Variants in LRRC45 observed in about 807,000 individuals in gnomAD.
LRRC45 encodes leucine-rich repeat-containing protein 45.
Under a neutral mutation model 85.4 loss-of-function variants are expected in LRRC45, and 73 were observed. The ratio of observed to expected loss-of-function variants is 0.85; its 90% CI spans 0.71 to 1.04. LRRC45 has a LOEUF of 1.04. Ranked by LOEUF, LRRC45 falls within the 50% of genes least tolerant of loss-of-function variation. LRRC45 has a pLI of 0.00. For synonymous variants in LRRC45, 429 were observed against 386.0 expected, an observed-to-expected ratio of 1.11 and a Z score of -1.31; for missense variants, 937 against 883.3, an observed-to-expected ratio of 1.06 and a Z score of -0.77.
At chr17:82,025,633 G>A in intron 5 of LRRC45, 126 bp downstream of exon 5, 5 of 1,268,642 alleles carry the variant, frequency 3.9e-6, no homozygotes, top group Non-Finnish European at 4.2e-6. Flanking sequence ...GGGGAAGCAG[G>A]AAGGAGCGGA....
At chr17:82,028,210 A>AC (rs1386488958) in intron 9 of LRRC45, 24 bp from the exon 10 acceptor site, 6 of 1,563,428 alleles carry the variant, frequency 3.8e-6, no homozygotes, top group Non-Finnish European at 5.2e-6. Context: ...GACCCTCACT[A>AC]CCCATACCCC....
At chr17:82,024,836 GCC>G (rs2043353110) in intron 3 of LRRC45, 73 bp downstream of exon 3, 4 of 1,494,070 alleles carry the variant, frequency 2.7e-6, no homozygotes, top group Non-Finnish European at 3.6e-6. Flanking sequence ...TGCTTCTGCA[GCC>G]CAAGAGTTCC....
In LRRC45 at chr17:82,028,290, G is replaced by T. The variant is rs1181730301; in HGVS notation, c.1104G>T (p.Lys368Asn). ...GAGACTTGTCTGCTGCCAATGAAAA[G>T]AACCTGCTTCTGCAAAACCAGGTAG... ...LLRDLSAANE[K>N]NLLLQNQVDE... is the part of the protein sequence containing the mutation. Residue 368 changes from lysine (K) to asparagine (N), a missense_variant, in exon 10 of 17, where the codon AAG (lysine) becomes AAT (asparagine). Transcript: ENST00000306688. 8.8e-6 allele frequency: 14 copies of T among 1,588,782 alleles called. No homozygotes were observed. Among genetic ancestry groups the T allele is most frequent in the Admixed American group, 7.3e-5 (4 of 54,840 alleles).
rs2043393920 is a variant in LRRC45, at chr17:82,029,147, G to A, written c.1363G>A (p.Val455Met). ...EESEKAMQER[V>M]QRLEAARLSL... is the part of the protein sequence containing the mutation. The stretch of plus-strand genomic sequence containing the variant: ...GAGTGAGAAGGCCATGCAGGAGCGG[G>A]TGCAGAGGCTGGAGGCGGCGCGGCT... Residue 455 changes from valine (V) to methionine (M), a missense_variant, in exon 13 of 17, where the codon GTG becomes ATG. Transcript: ENST00000306688. 1 of 1,612,590 alleles carries A rather than the reference G, an allele frequency of 6.2e-7. No homozygotes were observed. The highest frequency in any genetic ancestry group is 8.5e-7 in the Non-Finnish European group (1 of 1,179,918).
In LRRC45 at chr17:82,028,141, C is replaced by A; in HGVS notation, c.1042C>A (p.Gln348Lys). The change falls in exon 9 of 17, where the codon CAG becomes AAG. Residue 348 changes from glutamine to lysine, a missense_variant. Coordinates refer to ENST00000306688, the MANE Select transcript of LRRC45 (RefSeq NM_144999.4). ...GCAGGCCAAGGAGCTCAAGCTGGAG[C>A]AGCAGGTGGGTGGGCAGGGCTTGAG... ...QRQAKELKLE[Q>K]QEAAERESKL... 6.4e-7 allele frequency: 1 copy of A among 1,566,256 alleles called. No individual in the cohort carries two copies. The highest frequency in any genetic ancestry group is 8.6e-7 in the Non-Finnish European group (1 of 1,156,212).
chr17:82,027,327 A>G (rs913844052), intron 6 of LRRC45, 59 bp from the exon 7 acceptor site: 3 of 1,586,474 alleles, frequency 1.9e-6, no homozygotes, highest in South Asian at 2.2e-5. Flanking sequence ...TCCCCCTGAG[A>G]AGGTCAGGTG....
rs754731387 is a variant in LRRC45 at position 82,028,615 on chromosome 17, C to T, written c.1240C>T (p.Arg414Cys). The T allele has an allele frequency of 1.1e-5, 18 of 1,612,722 alleles. No individual in the cohort carries two copies. The highest frequency in any genetic ancestry group is 5.3e-5 in the African/African-American group (4 of 74,936). ...CTCTGCCCACCCTGGGCTTCCAGAG[C>T]GCCTGGACATGGAGAAGAGAAGATG... ...LKMRAIQAEE[R>C]LDMEKRRCRQ... The change falls in exon 12 of 17, where the codon CGC (arginine) becomes TGC (cysteine). Residue 414 changes from arginine to cysteine, a missense_variant and splice_region_variant. Transcript: ENST00000306688.
At chr17:82,027,975 C>G (rs766732573) in intron 8 of LRRC45, 36 bp from the exon 9 acceptor site, 1 of 1,566,474 alleles carries the variant, frequency 6.4e-7, no homozygotes, top group Admixed American at 1.8e-5. Flanking sequence ...AGTGAAACTC[C>G]AACCGGGGCG....
rs554817614 is a variant in LRRC45 at position 82,027,825 on chromosome 17, G to A, written c.911+74G>A. 7.1e-6 allele frequency: 11 copies of A among 1,559,790 alleles called. No individual in the cohort carries two copies. In the South Asian group the frequency reaches 1.0e-4, roughly 15 times the overall value. On this transcript the variant is annotated intron_variant, in intron 8 of 16. Transcript: ENST00000306688. ...AGAGAAAGGTGGTGTGAACCTGTGT[G>A]CAAGTCCTGTTTGCAAAGCAGAGGT... is the stretch of plus-strand genomic sequence containing the variant.
Position 82,023,794 on chromosome 17 carries a change from G to A in LRRC45, c.151G>A (p.Gly51Ser). ...SLTVETCRAL[G>S]KLLPRETLCT... ...GACGGTGGAGACCTGCAGGGCCCTG[G>A]GCAAGCTGCTGCCGAGGGAGACGCT... Residue 51 changes from glycine (G) to serine (S), a missense_variant, in exon 1 of 17, where the codon GGC (glycine) becomes AGC (serine). Transcript: ENST00000306688. 3.8e-6 allele frequency: 6 copies of A among 1,568,650 alleles called. No homozygotes were observed. The highest frequency in any genetic ancestry group is 5.2e-6 in the Non-Finnish European group (6 of 1,159,420).
chr17:82,030,238 G>A lies in LRRC45; in HGVS notation c.1668G>A (p.Gln556=), dbSNP rs774638519. Residue 556 remains glutamine (Q), a splice_region_variant and synonymous_variant, in exon 15 of 17, where the codon CAG becomes CAA. Coordinates refer to ENST00000306688, the MANE Select transcript of LRRC45 (RefSeq NM_144999.4). ...GGCGGCGCCTGGAAGAGCTGCAGCA[G>A]GTAGGCGGGGCTCCGGTGGGGGGCC... ...GLRRRLEELQ[Q]ELSLKDQERV... is the part of the protein sequence containing the mutation. 2.6e-6 allele frequency: 4 copies of A among 1,534,448 alleles called. No homozygotes were observed. In the South Asian group the frequency reaches 4.8e-5, roughly 18 times the overall value.
chr17:82,029,629 G>A lies in LRRC45; in HGVS notation c.1488G>A (p.Leu496=). The change falls in exon 14 of 17, where the codon CTG becomes CTA. Residue 496 remains leucine (L), a synonymous_variant. Coordinates refer to ENST00000306688, the MANE Select transcript of LRRC45 (RefSeq NM_144999.4). The stretch of plus-strand genomic sequence containing the variant: ...TCAAGGCCAAGAGCCAGGCCCGCCT[G>A]GAGGAGGTGAGCCACACATGTCCGC... The part of the protein sequence containing the change: ...ELIKAKSQAR[L]EEQQRLAHLE... The A allele has an allele frequency of 6.4e-7, 1 of 1,569,160 alleles. No individual in the cohort carries two copies. Among genetic ancestry groups the A allele is most frequent in the Non-Finnish European group, 8.6e-7 (1 of 1,158,766 alleles).
chr17:82,028,134 G>A lies in LRRC45; in HGVS notation c.1035G>A (p.Lys345=). ...SLSQRQAKEL[K]LEQQEAAERE... ...CACAGAGGCAGGCCAAGGAGCTCAAGCTGGAGCAGCAGGTGGGTGGGCAGG... is the reference window on the plus strand; with the variant it reads ...CACAGAGGCAGGCCAAGGAGCTCAAACTGGAGCAGCAGGTGGGTGGGCAGG... Residue 345 remains lysine, a synonymous_variant, in exon 9 of 17, where the codon AAG becomes AAA. Coordinates refer to ENST00000306688, the MANE Select transcript of LRRC45 (RefSeq NM_144999.4). 1.3e-6 allele frequency: 2 copies of A among 1,567,994 alleles called. No homozygotes were observed. The highest frequency in any genetic ancestry group is 1.7e-6 in the Non-Finnish European group (2 of 1,157,206).
At position 82,024,334 on chromosome 17, in the gene LRRC45, T is replaced by G. The variant is rs755233152; in HGVS notation, c.277T>G (p.Leu93Val). Residue 93 changes from leucine to valine, a missense_variant, in exon 2 of 17, where the codon TTA becomes GTA. Physicochemically the swap from Leu to Val is conservative, Grantham distance 32 (BLOSUM62 1). Transcript: ENST00000306688. ...CAACACCGTGCTGCGCTTTCTGGACTTAAAGGTGAGATACCTGCACTCTTG... is the reference window on the plus strand; with the variant it reads ...CAACACCGTGCTGCGCTTTCTGGACGTAAAGGTGAGATACCTGCACTCTTG... ...CANTVLRFLD[L>V]KGNNLRAAGA... The G allele has an allele frequency of 6.2e-7, 1 of 1,612,316 alleles. No individual in the cohort carries two copies. The highest frequency in any genetic ancestry group is 2.2e-5 in the East Asian group (1 of 44,856).
In LRRC45 at chr17:82,024,298, G is replaced by C. The variant is rs1476102606; in HGVS notation, c.241G>C (p.Gly81Arg). 1 of 1,612,428 alleles carries C rather than the reference G, an allele frequency of 6.2e-7. No homozygotes were observed. The highest frequency in any genetic ancestry group is 2.2e-5 in the East Asian group (1 of 44,864). ...SEEGATLLLR[G>R]LCANTVLRFL... ...CACAGGGGCCACACTGCTGCTCCGA[G>C]GCCTGTGTGCCAACACCGTGCTGCG... is the stretch of plus-strand genomic sequence containing the variant. The change falls in exon 2 of 17, where the codon GGC becomes CGC. Residue 81 changes from glycine to arginine, a missense_variant. Physicochemically the swap from Gly to Arg is moderately radical, Grantham distance 125 (BLOSUM62 -2). Transcript: ENST00000306688.
At chr17:82,026,547 G>A (rs1214602448) in intron 5 of LRRC45, among the ~76,000 whole-genome samples, 3 of 142,328 alleles carry the variant, frequency 2.1e-5, no homozygotes, top group Non-Finnish European at 4.5e-5. Flanking sequence ...AAGCAGCCCC[G>A]GGGTGACACA....
At position 82,030,064 on chromosome 17, in the gene LRRC45, G is replaced by T. The variant is rs916095749; in HGVS notation, c.1495-1G>T. 2.6e-6 allele frequency: 4 copies of T among 1,543,414 alleles called. No individual in the cohort carries two copies. Among genetic ancestry groups the T allele is most frequent in the Non-Finnish European group, 3.5e-6 (4 of 1,146,750 alleles). ...CTTCGTGGCGGCCCCTGTGCTCACA[G>T]CAACAGCGCCTGGCTCACCTGGAGG... On this transcript the variant is annotated splice_acceptor_variant, in intron 14 of 16. Transcript: ENST00000306688. LOFTEE classifies it high-confidence loss of function.
intron 3 of LRRC45, 79 bp from the exon 4 acceptor site, chr17:82,024,921 C>T: frequency 2.1e-6 from 3 of 1,456,484 alleles, no homozygotes; most frequent in Non-Finnish European, 2.7e-6. Context: ...AGACCCCAAG[C>T]CCACACCCGT....
chr17:82,026,576 G>T (rs1013753793), intron 5 of LRRC45, among the ~76,000 whole-genome samples: 1 of 149,832 alleles, frequency 6.7e-6, no homozygotes, highest in African/African-American at 2.5e-5. Flanking sequence ...GTGTGTGTGT[G>T]TGTGTGTGTG....
Sources: gnomAD v4.1 joint callset for allele counts (sites outside exome capture counted in the v4.1 genomes callset) on GRCh38, gnomAD v4.1.1 for gene constraint, MANE v1.5 for transcripts, NCBI Gene and HGNC (gene_info 2026-07-23, HGNC 2026-07-21) for gene names.